The following PCDHGA3 variants were observed in gnomAD, a reference collection of about 807,000 sequenced individuals.
PCDHGA3 encodes protocadherin gamma subfamily A, 3, also known as protocadherin gamma-A3.
A neutral mutation model predicts 58.5 loss-of-function variants in PCDHGA3; 40 were observed. The ratio of observed to expected loss-of-function variants is 0.68; its 90% CI spans 0.53 to 0.89. The LOEUF is 0.89. PCDHGA3 is among the 40% of genes least tolerant of loss of function. PCDHGA3 has a pLI of 0.00. For synonymous variants in PCDHGA3, 530 were observed against 525.7 expected, an observed-to-expected ratio of 1.01 and a Z score of -0.11; for missense variants, 1,223 against 1,195.9, an observed-to-expected ratio of 1.02 and a Z score of -0.33.
chr5:141,381,898 C>T (rs1777736173), intron 1 of PCDHGA3, among the ~76,000 whole-genome samples: 2 of 123,608 alleles, frequency 1.6e-5, no homozygotes, highest in African/African-American at 6.3e-5. Context: ...GGTGTGATCT[C>T]GGCTCACCAC....
At chr5:141,418,876 C>A (rs917800201) in intron 1 of PCDHGA3, 1 of 1,613,844 alleles carries the variant, frequency 6.2e-7, no homozygotes. Context: ...AAGTTGTAGA[C>A]GAAAACGACA....
chr5:141,423,456 C>T, intron 1 of PCDHGA3: 1 of 1,613,924 alleles, frequency 6.2e-7, no homozygotes, highest in Non-Finnish European at 8.5e-7. Context: ...ATTTTGTAGG[C>T]GTGGACGGGG....
intron 1 of PCDHGA3, chr5:141,386,080 T>C (rs752371819): frequency 1.3e-5 from 2 of 152,248 alleles, no homozygotes; most frequent in Non-Finnish European, 2.9e-5. Flanking sequence ...GTTTTAGTGG[T>C]ACAGCCAGAT....
At chr5:141,409,405 C>T in intron 1 of PCDHGA3, 1 of 1,614,050 alleles carries the variant, frequency 6.2e-7, no homozygotes, top group Non-Finnish European at 8.5e-7. Context: ...CCAATAACTA[C>T]TACAAACTGG....
At chr5:141,371,254 A>T in intron 1 of PCDHGA3, 1 of 1,614,046 alleles carries the variant, frequency 6.2e-7, no homozygotes, top group Admixed American at 1.7e-5. Context: ...ATTGGCAAGG[A>T]AGTGAGACAA....
chr5:141,482,530 C>CAAAAAAAAAAAAAAAAAA (rs3074545), intron 1 of PCDHGA3, among the ~76,000 whole-genome samples: 1 of 76,562 alleles, frequency 1.3e-5, no homozygotes, highest in Non-Finnish European at 2.6e-5. Flanking sequence ...GACAGACATG[C>CAAAAAAAAAAAAAAAAAA]AAAAAAAAAA....
rs551414580 is a variant in PCDHGA3, at chr5:141,493,693, C to T, written c.2425-1114C>T. ...GCCCCAGAATGGTGCTGGTGACTCC[C>T]GATACACCTGGAATGCTAGGTTTCT... On this transcript the variant is annotated intron_variant, in intron 1 of 3. Coordinates refer to ENST00000253812, the MANE Select transcript of PCDHGA3 (RefSeq NM_018916.4). This position sits in a 1 kb window ranked among gnomAD's most constrained non-coding sequence, Gnocchi z 4.3. 5.3e-5 allele frequency among the ~76,000 whole-genome samples: 8 copies of T among 152,168 alleles called. No individual in the cohort carries two copies. Among genetic ancestry groups the T allele is most frequent in the Non-Finnish European group, 1.0e-4 (7 of 68,032 alleles).
chr5:141,402,897 C>T (rs1177256058), intron 1 of PCDHGA3: 6 of 1,508,528 alleles, frequency 4.0e-6, no homozygotes, highest in Admixed American at 4.7e-5. Flanking sequence ...AAGAAAGAAC[C>T]TGATGAAGCA....
At position 141,432,325 on chromosome 5, in the gene PCDHGA3, C is replaced by A; in HGVS notation, c.2425-62482C>A. 6.2e-7 allele frequency: 1 copy of A among 1,614,260 alleles called. No individual in the cohort carries two copies. The highest frequency in any genetic ancestry group is 1.1e-5 in the South Asian group (1 of 91,092). On this transcript the variant is annotated intron_variant, in intron 1 of 3. Transcript: ENST00000253812. The surrounding 1 kb of genome is among the most constrained non-coding windows in gnomAD (Gnocchi z 6.0). The stretch of plus-strand genomic sequence containing the variant: ...TGTATGCGCTGAGCTCCTTCGACTA[C>A]GAGCAGTTCCGAGACTTGCAAGTGA...
At chr5:141,445,632 T>C (rs940642775) in intron 1 of PCDHGA3, among the ~76,000 whole-genome samples, 19 of 152,116 alleles carry the variant, frequency 1.2e-4, no homozygotes, top group Admixed American at 1.1e-3. Flanking sequence ...GAAAGTGATA[T>C]TTAGAGAGAT....
At chr5:141,367,154 T>A (rs1764978094) in intron 1 of PCDHGA3, 1 of 162,130 alleles carries the variant, frequency 6.2e-6, no homozygotes, top group African/African-American at 2.4e-5. Flanking sequence ...ATAGGACTGA[T>A]ATTTTAGTCT....
chr5:141,413,994 G>A, intron 1 of PCDHGA3: 1 of 1,613,422 alleles, frequency 6.2e-7, no homozygotes, highest in Non-Finnish European at 8.5e-7. Context: ...CCACCGACAG[G>A]GACGAAGGTG....
intron 1 of PCDHGA3, among the ~76,000 whole-genome samples, chr5:141,457,253 T>C (rs986838327): frequency 1.4e-4 from 22 of 152,196 alleles, no homozygotes; most frequent in Admixed American, 1.4e-3. Flanking sequence ...CTTGCCAACA[T>C]ATAGAATTCC....
In PCDHGA3 at chr5:141,487,608, G is replaced by T; in HGVS notation, c.2425-7199G>T. 1 of 1,614,182 alleles carries T rather than the reference G, an allele frequency of 6.2e-7. No individual in the cohort carries two copies. The highest frequency in any genetic ancestry group is 8.5e-7 in the Non-Finnish European group (1 of 1,180,042). On this transcript the variant is annotated intron_variant, in intron 1 of 3. Coordinates refer to ENST00000253812, the MANE Select transcript of PCDHGA3 (RefSeq NM_018916.4). The surrounding 1 kb of genome is among the most constrained non-coding windows in gnomAD (Gnocchi z 5.0). ...TGCCCACCCTCTGATCTTCTCTATG[G>T]GCTAGAGGTGAGACCTTTGCAGGCT...
chr5:141,458,718 C>T (rs569153299), intron 1 of PCDHGA3, among the ~76,000 whole-genome samples: 3 of 151,942 alleles, frequency 2.0e-5, no homozygotes, highest in African/African-American at 4.8e-5. Context: ...TACAGGTATT[C>T]GCCACCACAT....
chr5:141,497,384 A>G (rs2099776099), intron 2 of PCDHGA3, among the ~76,000 whole-genome samples: 1 of 151,900 alleles, frequency 6.6e-6, no homozygotes, highest in African/African-American at 2.4e-5. Context: ...TGGGGTGAGC[A>G]CCTTACCCCT....
At chr5:141,412,713 TG>T (rs1172943618) in intron 1 of PCDHGA3, 2 of 152,812 alleles carry the variant, frequency 1.3e-5, no homozygotes, top group Non-Finnish European at 2.9e-5. Context: ...TGTACATTTC[TG>T]TTGGGAAAAC....
At chr5:141,372,031 T>G in intron 1 of PCDHGA3, 3 of 1,613,434 alleles carry the variant, frequency 1.9e-6, no homozygotes, top group Non-Finnish European at 2.5e-6. Context: ...AGCGCCAACG[T>G]GAGCCTGCGC....
chr5:141,492,458 G>A (rs1333043781), intron 1 of PCDHGA3, among the ~76,000 whole-genome samples: 1 of 152,230 alleles, frequency 6.6e-6, no homozygotes, highest in Non-Finnish European at 1.5e-5. Flanking sequence ...GTGCGCGCCT[G>A]AGGGTCCCAG....
Sources: allele counts gnomAD v4.1 joint callset (sites outside exome capture counted in the v4.1 genomes callset), GRCh38; gene constraint gnomAD v4.1.1; non-coding constraint Gnocchi (gnomAD v3.1); transcripts MANE v1.5; gene names NCBI Gene and HGNC (gene_info 2026-07-23, HGNC 2026-07-21).